The following CHD2 variants were observed in gnomAD, a reference collection of about 807,000 sequenced individuals.
The protein encoded by CHD2 is chromodomain helicase DNA binding protein 2.
CHD2 carries 28 observed loss-of-function variants against 243.9 expected under a neutral mutation model. The ratio of observed to expected loss-of-function variants is 0.11; its 90% CI spans 0.09 to 0.16. The LOEUF (loss-of-function observed/expected upper bound fraction) is 0.16, where lower values mean the gene tolerates loss of function less well. Among genes scored for constraint, CHD2 ranks in the 10% least tolerant of loss-of-function variants. The pLI is 1.00. For synonymous variants in CHD2, 775 were observed against 779.0 expected, an observed-to-expected ratio of 0.99 and a Z score of 0.09; for missense variants, 1,386 against 2,209.8, an observed-to-expected ratio of 0.63 and a Z score of 7.47.
intron 23 of CHD2, 137 bp downstream of exon 23, chr15:92,981,048 T>C (rs1596431934): frequency 1.5e-6 from 1 of 680,424 alleles, no homozygotes. Context: ...TTTTCTTTCG[T>C]AGGAATCTCA....
intron 9 of CHD2, 178 bp from the exon 10 acceptor site, chr15:92,944,237 T>C (rs2053427282): frequency 2.8e-5 from 13 of 456,190 alleles, no homozygotes; most frequent in Middle Eastern, 6.0e-4. Flanking sequence ...TAAAAGTGTT[T>C]TTTTTGTTTG....
At chr15:92,933,053 T>C (rs2053202928) in intron 5 of CHD2, among the ~76,000 whole-genome samples, 1 of 151,652 alleles carries the variant, frequency 6.6e-6, no homozygotes, top group Admixed American at 6.6e-5. Flanking sequence ...CTTTTTTTTT[T>C]TTTTTTTAAG....
intron 13 of CHD2, among the ~76,000 whole-genome samples, chr15:92,952,600 T>A (rs1188994090): frequency 6.6e-6 from 1 of 152,142 alleles, no homozygotes; most frequent in African/African-American, 2.4e-5. Context: ...CCGTTGCTGA[T>A]CTGACAGGAG....
At chr15:92,987,598 A>G (rs950499999) in intron 26 of CHD2, among the ~76,000 whole-genome samples, 1 of 142,896 alleles carries the variant, frequency 7.0e-6, no homozygotes, top group Non-Finnish European at 1.5e-5. Context: ...ACAGAGCAAA[A>G]CTCTCTAAAA....
Position 93,024,467 on chromosome 15 carries a change from C to G in CHD2, c.5249C>G (p.Ala1750Gly). ...CGACGAATGTCTGATCACCGCCCCG[C>G]TATGGGCTACCATGGCCAGGGACCC... Reference protein sequence around the residue: ...DFRRMSDHRPAMGYHGQGPSD... With the variant: ...DFRRMSDHRPGMGYHGQGPSD... The change falls in exon 39 of 39, where the codon GCT (alanine) becomes GGT (glycine). Residue 1750 changes from alanine (A) to glycine (G), a missense_variant. By Grantham distance (60) the Ala-to-Gly change is moderately conservative. Coordinates refer to ENST00000394196, the MANE Select transcript of CHD2 (RefSeq NM_001271.4). 1.2e-6 allele frequency: 2 copies of G among 1,614,204 alleles called. No individual in the cohort carries two copies. Among genetic ancestry groups the G allele is most frequent in the Non-Finnish European group, 8.5e-7 (1 of 1,180,032 alleles).
intron 16 of CHD2, among the ~76,000 whole-genome samples, chr15:92,960,671 A>G (rs564271186): frequency 7.4e-6 from 1 of 135,632 alleles, no homozygotes; most frequent in East Asian, 2.1e-4. Flanking sequence ...TCAGTTGGCT[A>G]ATATTTTGTT....
Position 92,978,186 on chromosome 15 carries a change from G to C in CHD2, c.2578-48G>C, listed in dbSNP as rs573689290. On this transcript the variant is annotated intron_variant, in intron 20 of 38. Coordinates refer to ENST00000394196, the MANE Select transcript of CHD2 (RefSeq NM_001271.4). ...TAAGGGCTTATTGGACTGTGAAACT[G>C]TTTCTGAGAAGGCCACTGCATAAAG... 3 of 1,611,556 alleles carry C rather than the reference G, an allele frequency of 1.9e-6. No individual in the cohort carries two copies. In the African/African-American group the frequency reaches 4.0e-5, roughly 21 times the overall value.
chr15:93,012,535 C>G (rs2054405862), intron 36 of CHD2, 91 bp downstream of exon 36: 1 of 855,296 alleles, frequency 1.2e-6, no homozygotes, highest in African/African-American at 1.7e-5. Context: ...GGGAGATGAT[C>G]ACAGAATCAT....
intron 2 of CHD2, among the ~76,000 whole-genome samples, chr15:92,911,643 CAG>C (rs1419590534): frequency 6.6e-6 from 1 of 151,974 alleles, no homozygotes; most frequent in African/African-American, 2.4e-5. Context: ...GAGGCTGAGG[CAG>C]AGACGCTTGA....
Position 92,961,329 on chromosome 15 carries a change from G to C in CHD2, c.2000+4680G>C, listed in dbSNP as rs543600562. On this transcript the variant is annotated intron_variant, in intron 16 of 38. Coordinates refer to ENST00000394196, the MANE Select transcript of CHD2 (RefSeq NM_001271.4). ...GTTTTGTTAATTTGTGTCTTTCTAA[G>C]AGTTAGTCTGTTTCATCTAACTTGT... Among the ~76,000 whole-genome samples the C allele has an allele frequency of 2.2e-4, 34 of 152,256 alleles. No individual in the cohort carries two copies. The South Asian group carries it at 5.4e-3, about 24-fold the overall frequency.
chr15:92,917,073 T>C (rs2052853113), intron 2 of CHD2, among the ~76,000 whole-genome samples: 2 of 152,238 alleles, frequency 1.3e-5, no homozygotes, highest in Admixed American at 6.5e-5. Context: ...GGATTTTTGA[T>C]AGGTAATTCT....
chr15:92,999,755 G>T (rs1224588644), intron 31 of CHD2, among the ~76,000 whole-genome samples: 2 of 152,116 alleles, frequency 1.3e-5, no homozygotes, highest in Non-Finnish European at 2.9e-5. Context: ...GTTAGATCAT[G>T]TTACAGATCA....
At chr15:93,020,911 A>G (rs2054527444) in intron 38 of CHD2, 1 of 153,302 alleles carries the variant, frequency 6.5e-6, no homozygotes. Flanking sequence ...TGTTTTTGGA[A>G]GATCTGGTAA....
chr15:92,977,757 G>A (rs2053928923), intron 20 of CHD2, among the ~76,000 whole-genome samples: 1 of 152,128 alleles, frequency 6.6e-6, no homozygotes, highest in African/African-American at 2.4e-5. Context: ...GATCTCTTTA[G>A]TGCAGTGTTT....
At chr15:92,940,930 A>G (rs1373784935) in intron 7 of CHD2, among the ~76,000 whole-genome samples, 3 of 139,384 alleles carry the variant, frequency 2.2e-5, no homozygotes, top group Non-Finnish European at 3.1e-5. Context: ...ACATATAAAT[A>G]TATATAAAAT....
At position 92,940,927 on chromosome 15, in the gene CHD2, AAT is replaced by A. The variant is rs1176240338; in HGVS notation, c.693-887_693-886del. 2.9e-5 allele frequency among the ~76,000 whole-genome samples: 4 copies of A among 139,628 alleles called. No homozygotes were observed. The East Asian group carries it at 6.0e-4, about 21-fold the overall frequency. The allele number at this position is 139,628 out of a possible 152,430, so 91.6% of individuals were successfully genotyped here. On this transcript the variant is annotated intron_variant, in intron 7 of 38. Coordinates refer to ENST00000394196, the MANE Select transcript of CHD2 (RefSeq NM_001271.4). The stretch of plus-strand genomic sequence containing the variant: ...AAATATATATATAAATATACATATA[AAT>A]ATATATAAAATATATATAAATATAA...
At chr15:92,999,438 C>A (rs1055690452) in intron 31 of CHD2, among the ~76,000 whole-genome samples, 1 of 152,192 alleles carries the variant, frequency 6.6e-6, no homozygotes, top group African/African-American at 2.4e-5. Context: ...GTGAACTCAG[C>A]TGAGCTTTAT....
At chr15:92,931,296 G>A (rs1348017045) in intron 5 of CHD2, among the ~76,000 whole-genome samples, 9 of 152,182 alleles carry the variant, frequency 5.9e-5, no homozygotes, top group Admixed American at 5.9e-4. Context: ...CTTTAGGAAA[G>A]TTGCAAGAAT....
intron 2 of CHD2, among the ~76,000 whole-genome samples, chr15:92,905,527 A>G (rs2052604516): frequency 1.3e-5 from 2 of 152,188 alleles, no homozygotes; most frequent in African/African-American, 4.8e-5. Flanking sequence ...TTATTTTAGT[A>G]AAGTGTGTTA....
Sources: allele counts gnomAD v4.1 joint callset (sites outside exome capture counted in the v4.1 genomes callset), GRCh38; gene constraint gnomAD v4.1.1; transcripts MANE v1.5; gene names NCBI Gene and HGNC (gene_info 2026-07-23, HGNC 2026-07-21).